The following ATP2B2 variants were observed in gnomAD, a reference collection of about 807,000 sequenced individuals.
The protein encoded by ATP2B2 is ATPase plasma membrane Ca2+ transporting 2.
A neutral mutation model predicts 120.0 loss-of-function variants in ATP2B2; 15 were observed. That is an observed-to-expected ratio of 0.12 (90% CI 0.08 to 0.19). ATP2B2 has a LOEUF of 0.19. Among genes scored for constraint, ATP2B2 ranks in the 10% least tolerant of loss-of-function variants. The pLI, the probability that ATP2B2 is intolerant of heterozygous loss-of-function variation, is 1.00. For missense variants in ATP2B2, 1,045 were observed against 1,719.8 expected (o/e 0.61, Z 6.94); for synonymous variants, 694 against 700.3 (o/e 0.99, Z 0.14).
rs1477462213 is a variant in ATP2B2 at position 10,371,904 on chromosome 3, T to G, written c.1564A>C (p.Lys522Gln). 6.2e-7 allele frequency: 1 copy of G among 1,614,096 alleles called. No homozygotes were observed. Among genetic ancestry groups the G allele is most frequent in the Non-Finnish European group, 8.5e-7 (1 of 1,180,020 alleles). Residue 522 changes from lysine to glutamine, a missense_variant, in exon 12 of 23, where the codon AAA (lysine) becomes CAA (glutamine). Physicochemically the swap from Lys to Gln is moderately conservative, Grantham distance 53 (BLOSUM62 1). Transcript: ENST00000360273. ...ATGGAGCTGGGGTCGGGGATCTCTTTATAGTGGACGTCGCCGACATAGGCC... is the reference window on the plus strand; with the variant it reads ...ATGGAGCTGGGGTCGGGGATCTCTTGATAGTGGACGTCGCCGACATAGGCC... ...VQAYVGDVHY[K>Q]EIPDPSSINT...
At chr3:10,377,139 C>A (rs1323232183) in intron 10 of ATP2B2, among the ~76,000 whole-genome samples, 1 of 152,174 alleles carries the variant, frequency 6.6e-6, no homozygotes, top group Non-Finnish European at 1.5e-5. Context: ...CTTTGAAGGC[C>A]ATGGGGTTGT....
chr3:10,529,019 A>ACCC (rs573492716), intron 3 of ATP2B2, among the ~76,000 whole-genome samples: 60 of 152,130 alleles, frequency 3.9e-4, no homozygotes, highest in African/African-American at 1.4e-3. Context: ...TCCAGCACTG[A>ACCC]CCCCCCACCT....
At chr3:10,446,350 G>T (rs762830265) in intron 2 of ATP2B2, among the ~76,000 whole-genome samples, 21 of 152,148 alleles carry the variant, frequency 1.4e-4, no homozygotes, top group Non-Finnish European at 2.6e-4. Context: ...AATATTCACA[G>T]CCTATTTTAT....
chr3:10,551,028 G>A (rs377547744), intron 2 of ATP2B2, among the ~76,000 whole-genome samples: 2 of 152,196 alleles, frequency 1.3e-5, no homozygotes, highest in South Asian at 4.1e-4. Flanking sequence ...GAGGCAGGTG[G>A]GAATGTGTGT....
At chr3:10,586,039 CTG>C (rs2068503608) in intron 2 of ATP2B2, among the ~76,000 whole-genome samples, 1 of 152,196 alleles carries the variant, frequency 6.6e-6, no homozygotes, top group African/African-American at 2.4e-5. Context: ...TTTGCCCAGC[CTG>C]TGTGTTCCAT....
At chr3:10,639,325 A>G (rs2070108912) in intron 1 of ATP2B2, among the ~76,000 whole-genome samples, 1 of 152,246 alleles carries the variant, frequency 6.6e-6, no homozygotes, top group Non-Finnish European at 1.5e-5. Context: ...ACAAAATACA[A>G]TTAAGTGGGT....
chr3:10,527,140 C>T (rs1559440431), intron 3 of ATP2B2, among the ~76,000 whole-genome samples: 1 of 152,234 alleles, frequency 6.6e-6, no homozygotes. Flanking sequence ...GTATTTGCAC[C>T]TCTGAGCTGG....
At chr3:10,563,567 G>C (rs1244753336) in intron 2 of ATP2B2, among the ~76,000 whole-genome samples, 1 of 152,230 alleles carries the variant, frequency 6.6e-6, no homozygotes, top group Non-Finnish European at 1.5e-5. Flanking sequence ...AAGCCCAGAG[G>C]CTGGGTATCC....
intron 1 of ATP2B2, among the ~76,000 whole-genome samples, chr3:10,467,154 C>T (rs1207207044): frequency 1.3e-5 from 2 of 152,240 alleles, no homozygotes; most frequent in Admixed American, 6.5e-5. Flanking sequence ...CTGGTCATGA[C>T]ACCCTCAACC....
chr3:10,374,866 G>A (rs1476278286), intron 11 of ATP2B2, among the ~76,000 whole-genome samples: 1 of 152,346 alleles, frequency 6.6e-6, no homozygotes, highest in South Asian at 2.1e-4. Flanking sequence ...AAGGGGAGGA[G>A]GCTTCTATGA....
intron 1 of ATP2B2, among the ~76,000 whole-genome samples, chr3:10,645,852 A>G (rs902943552): frequency 6.6e-6 from 1 of 152,202 alleles, no homozygotes; most frequent in Non-Finnish European, 1.5e-5. Flanking sequence ...GAAAGCATCA[A>G]AGGGTGAGCT....
intron 2 of ATP2B2, among the ~76,000 whole-genome samples, chr3:10,571,584 G>T (rs2068128728): frequency 6.6e-6 from 1 of 152,236 alleles, no homozygotes; most frequent in Admixed American, 6.5e-5. Flanking sequence ...GGAGAGGAAA[G>T]CCAGATAAGC....
At chr3:10,559,304 G>A (rs566604860) in intron 2 of ATP2B2, among the ~76,000 whole-genome samples, 2 of 152,296 alleles carry the variant, frequency 1.3e-5, no homozygotes, top group Non-Finnish European at 2.9e-5. Flanking sequence ...GGAGGAATAA[G>A]TTGTAGTGCT....
At chr3:10,455,663 G>C (rs977095979) in intron 1 of ATP2B2, among the ~76,000 whole-genome samples, 7 of 152,188 alleles carry the variant, frequency 4.6e-5, no homozygotes, top group African/African-American at 1.7e-4. Context: ...GCACAGGTGA[G>C]CACCCCTGCC....
In ATP2B2 at chr3:10,375,729, T is replaced by C; in HGVS notation, c.1202-85A>G. On this transcript the variant is annotated intron_variant, in intron 10 of 22. Coordinates refer to ENST00000360273, the MANE Select transcript of ATP2B2 (RefSeq NM_001001331.4). This position sits in a 1 kb window ranked among gnomAD's most constrained non-coding sequence, Gnocchi z 4.2. Reference sequence around the variant, plus strand: ...GGACCAAATCTTTGGCTGAAAGAGCTCCGGGTCAGGCTGACCCCAGCTCAC... The same window carrying C: ...GGACCAAATCTTTGGCTGAAAGAGCCCCGGGTCAGGCTGACCCCAGCTCAC... The C allele has an allele frequency of 7.7e-7, 1 of 1,293,818 alleles. No homozygotes were observed. Among genetic ancestry groups the C allele is most frequent in the Non-Finnish European group, 1.1e-6 (1 of 909,126 alleles). 80.1% of individuals were successfully genotyped at this position (1,293,818 alleles called of 1,614,324 possible). A position where few individuals can be genotyped will look rare whatever the true frequency, so the allele number is the denominator to read the frequency against.
At chr3:10,501,473 C>T (rs978054621) in intron 1 of ATP2B2, among the ~76,000 whole-genome samples, 12 of 151,478 alleles carry the variant, frequency 7.9e-5, no homozygotes, top group African/African-American at 2.4e-4. Context: ...CGGACTCAAG[C>T]GATCCTCCCA....
At chr3:10,345,627 C>G (rs899313896) in intron 17 of ATP2B2, 52 bp from the exon 18 acceptor site, 4 of 1,549,908 alleles carry the variant, frequency 2.6e-6, no homozygotes, top group Admixed American at 3.4e-5. Context: ...GAGGTGACCA[C>G]TTCTAGCATC....
intron 3 of ATP2B2, among the ~76,000 whole-genome samples, chr3:10,512,476 A>ACT (rs2066787528): frequency 5.3e-5 from 4 of 75,786 alleles, no homozygotes; most frequent in African/African-American, 2.2e-4. Context: ...ACACACACAC[A>ACT]CACACACACA....
Position 10,468,776 on chromosome 3 carries a change from T to G in ATP2B2, c.-319-18914A>C, listed in dbSNP as rs141192686. ...AGGTCTCGTCTTGGGTTCCTATCAG[T>G]GCCAAGTCCTGCTTCCTCTGCCATC... On this transcript the variant is annotated intron_variant, in intron 1 of 22. Transcript: ENST00000360273. 3.7e-3 allele frequency among the ~76,000 whole-genome samples: 566 copies of G among 152,328 alleles called. 2 individuals carry two copies. The highest frequency in any genetic ancestry group is 6.5e-3 in the Non-Finnish European group (442 of 68,024).
Sources: gnomAD v4.1 joint callset for allele counts (sites outside exome capture counted in the v4.1 genomes callset) on GRCh38, gnomAD v4.1.1 for gene constraint, Gnocchi (gnomAD v3.1) non-coding constraint, MANE v1.5 for transcripts, NCBI Gene and HGNC (gene_info 2026-07-23, HGNC 2026-07-21) for gene names.